Variants in ZNF831 observed in about 807,000 individuals in gnomAD.
The protein encoded by ZNF831 is chromosome 20 open reading frame 174.
A neutral mutation model predicts 95.8 loss-of-function variants in ZNF831; 59 were observed. That is an observed-to-expected ratio of 0.62 (90% CI 0.50 to 0.77). The LOEUF is 0.77. Among genes scored for constraint, ZNF831 ranks in the 30% least tolerant of loss-of-function variants. ZNF831 has a pLI of 0.00. For synonymous variants in ZNF831, 961 were observed against 925.5 expected (o/e 1.04, Z -0.70); for missense variants, 2,205 against 2,164.0 (o/e 1.02, Z -0.38).
At chr20:59,238,663 C>A (rs1315029141) in intron 4 of ZNF831, among the ~76,000 whole-genome samples, 1 of 152,204 alleles carries the variant, frequency 6.6e-6, no homozygotes, top group Non-Finnish European at 1.5e-5. Flanking sequence ...GAGACAGCAT[C>A]AAAGCTGCAC....
intron 4 of ZNF831, among the ~76,000 whole-genome samples, chr20:59,219,522 C>A (rs540274540): frequency 1.3e-5 from 2 of 152,216 alleles, no homozygotes; most frequent in Admixed American, 6.5e-5. Flanking sequence ...ACAAGGCCTG[C>A]TGGAGCGGAG....
At chr20:59,124,757 A>G (rs918023504) in intron 1 of ZNF831, among the ~76,000 whole-genome samples, 5 of 152,142 alleles carry the variant, frequency 3.3e-5, no homozygotes, top group African/African-American at 1.2e-4. Flanking sequence ...CCCCTTCGAG[A>G]GGCTCAGTGT....
chr20:59,165,074 G>C (rs998281236), intron 1 of ZNF831, among the ~76,000 whole-genome samples: 8 of 152,192 alleles, frequency 5.3e-5, no homozygotes, highest in African/African-American at 1.9e-4. Flanking sequence ...TAATCAGAGA[G>C]AACACTTAGG....
chr20:59,253,869 C>CTTTTTT, intron 5 of ZNF831, 29 bp from the exon 6 acceptor site: 10 of 1,067,554 alleles, frequency 9.4e-6, no homozygotes, highest in South Asian at 8.0e-5. Flanking sequence ...TCCCCCCCCA[C>CTTTTTT]TTTTTTTTTC....
intron 1 of ZNF831, among the ~76,000 whole-genome samples, chr20:59,177,306 G>A (rs1470635195): frequency 6.6e-6 from 1 of 152,196 alleles, no homozygotes; most frequent in Non-Finnish European, 1.5e-5. Flanking sequence ...AAAGCCCAGG[G>A]AAATAGTATA....
intron 1 of ZNF831, among the ~76,000 whole-genome samples, chr20:59,129,644 A>G (rs1297535953): frequency 6.6e-6 from 1 of 152,072 alleles, no homozygotes; most frequent in African/African-American, 2.4e-5. Context: ...CAAACAAACA[A>G]CACAGAACTG....
In ZNF831 at chr20:59,253,830, G is replaced by C. The variant is rs1347862158; in HGVS notation, c.4189-68G>C. On this transcript the variant is annotated intron_variant, in intron 5 of 5. Coordinates refer to ENST00000371030, the MANE Select transcript of ZNF831 (RefSeq NM_178457.3). ...TGTTTTCATTGAGGACCACGTTTCT[G>C]ACCACATTTTTCTTTGTACCAATTA... The C allele has an allele frequency of 4.0e-6, 6 of 1,492,978 alleles. No individual in the cohort carries two copies. In the South Asian group the frequency reaches 8.0e-5, roughly 20 times the overall value. The allele number at this position is 1,492,978 out of a possible 1,614,324, so 92.5% of individuals were successfully genotyped here. A position where few individuals can be genotyped will look rare whatever the true frequency, so the allele number is the denominator to read the frequency against.
chr20:59,138,244 A>G (rs1413977870), intron 1 of ZNF831, among the ~76,000 whole-genome samples: 4 of 152,204 alleles, frequency 2.6e-5, no homozygotes, highest in Non-Finnish European at 2.9e-5. Context: ...TAGTTGTTTA[A>G]TTCTGTCTGC....
intron 3 of ZNF831, among the ~76,000 whole-genome samples, chr20:59,198,620 G>T (rs1330365318): frequency 6.6e-6 from 1 of 152,228 alleles, no homozygotes; most frequent in African/African-American, 2.4e-5. Context: ...CCCATGGATG[G>T]GCACAGGAAG....
chr20:59,127,027 TA>T (rs1979193932), intron 1 of ZNF831, among the ~76,000 whole-genome samples: 1 of 152,108 alleles, frequency 6.6e-6, no homozygotes, highest in Non-Finnish European at 1.5e-5. Context: ...CCACTGCCCC[TA>T]CCTACCTCAT....
intron 4 of ZNF831, among the ~76,000 whole-genome samples, chr20:59,218,202 G>A (rs1985827312): frequency 6.6e-6 from 1 of 152,182 alleles, no homozygotes; most frequent in Admixed American, 6.5e-5. Flanking sequence ...GGTTAGGGTG[G>A]GATTTGGGGC....
intron 3 of ZNF831, among the ~76,000 whole-genome samples, chr20:59,202,742 C>T (rs79414774): frequency 1.3e-5 from 2 of 152,082 alleles, no homozygotes; most frequent in Non-Finnish European, 2.9e-5. Context: ...GTCCTGTACC[C>T]TCAGCTGCAC....
chr20:59,130,394 C>T (rs1409885287), intron 1 of ZNF831, among the ~76,000 whole-genome samples: 1 of 152,118 alleles, frequency 6.6e-6, no homozygotes, highest in Non-Finnish European at 1.5e-5. Flanking sequence ...CCTAAGTTTC[C>T]AGGGTGCACT....
chr20:59,254,389 G>A lies in ZNF831; in HGVS notation c.4680G>A (p.Glu1560=), dbSNP rs1272752041. 1.2e-6 allele frequency: 2 copies of A among 1,614,010 alleles called. No individual in the cohort carries two copies. Among genetic ancestry groups the A allele is most frequent in the East Asian group, 2.2e-5 (1 of 44,870 alleles). ...GAATTTCAGATTCGGTTCCACTGGA[G>A]TCAACTGAAAAAACTCATCTTGAAA... ...GQRISDSVPL[E]STEKTHLEIP... is the part of the protein sequence containing the mutation. Residue 1560 remains glutamate (E), a synonymous_variant, in exon 6 of 6, where the codon GAG becomes GAA. Coordinates refer to ENST00000371030, the MANE Select transcript of ZNF831 (RefSeq NM_178457.3). This position sits in a 1 kb window ranked among gnomAD's most constrained non-coding sequence, Gnocchi z 4.5.
At chr20:59,239,502 C>A (rs931679271) in intron 4 of ZNF831, among the ~76,000 whole-genome samples, 5 of 150,420 alleles carry the variant, frequency 3.3e-5, no homozygotes, top group Admixed American at 2.0e-4. Context: ...TTTTATGTGA[C>A]TTTCATTTTA....
chr20:59,218,589 G>A (rs965028041), intron 4 of ZNF831, among the ~76,000 whole-genome samples: 108 of 150,286 alleles, frequency 7.2e-4, no homozygotes, highest in African/African-American at 2.6e-3. Flanking sequence ...TTGTGTTAGC[G>A]TGACTGTTTT....
At chr20:59,231,288 G>T (rs1986707466) in intron 4 of ZNF831, among the ~76,000 whole-genome samples, 2 of 152,162 alleles carry the variant, frequency 1.3e-5, no homozygotes, top group Non-Finnish European at 2.9e-5. Context: ...ATCAGAAATA[G>T]GCAACTTGCA....
Position 59,193,663 on chromosome 20 carries a change from TCCTCTGGAGC to T in ZNF831, c.2646_2655del (p.Ser883ProfsTer9). Reference sequence around the variant, plus strand: ...CAGGCAGGTGGGCGAGCCTCTGGAGTCCTCTGGAGCCTCCTTGGCTGCTGCTTCTGTTGCC... The same window carrying T: ...CAGGCAGGTGGGCGAGCCTCTGGAGTCTCCTTGGCTGCTGCTTCTGTTGCC... On this transcript the variant is annotated frameshift_variant, in exon 2 of 6. Transcript: ENST00000371030. LOFTEE classifies it high-confidence loss of function. 6.2e-7 allele frequency: 1 copy of T among 1,612,626 alleles called. No individual in the cohort carries two copies. The highest frequency in any genetic ancestry group is 8.5e-7 in the Non-Finnish European group (1 of 1,179,690).
intron 4 of ZNF831, among the ~76,000 whole-genome samples, chr20:59,235,909 C>A (rs983958411): frequency 5.3e-5 from 8 of 152,162 alleles, no homozygotes; most frequent in Non-Finnish European, 1.2e-4. Flanking sequence ...AGACAGACAG[C>A]CTTGGGTCCT....
Sources: allele counts gnomAD v4.1 joint callset (sites outside exome capture counted in the v4.1 genomes callset), GRCh38; gene constraint gnomAD v4.1.1; non-coding constraint Gnocchi (gnomAD v3.1); transcripts MANE v1.5; gene names NCBI Gene and HGNC (gene_info 2026-07-23, HGNC 2026-07-21).